The following INSR variants were observed in gnomAD, a reference collection of about 807,000 sequenced individuals.
The protein encoded by INSR is IR.
A neutral mutation model predicts 142.6 loss-of-function variants in INSR; 67 were observed. The observed-to-expected ratio is 0.47, with a 90% CI of 0.39 to 0.58. INSR has a LOEUF of 0.58. INSR is among the 20% of genes least tolerant of loss of function. The pLI is 0.00. For missense variants in INSR, 1,248 were observed against 1,833.2 expected, an observed-to-expected ratio of 0.68 and a Z score of 5.83; for synonymous variants, 756 against 743.1, an observed-to-expected ratio of 1.02 and a Z score of -0.28.
chr19:7,174,801 G>C, intron 3 of INSR, 70 bp from the exon 4 acceptor site: 2 of 1,466,406 alleles, frequency 1.4e-6, no homozygotes, highest in South Asian at 1.2e-5. Flanking sequence ...AGGTCCTTCA[G>C]ACATCTCAGG....
chr19:7,133,544 T>C (rs1972836327), intron 13 of INSR, among the ~76,000 whole-genome samples: 1 of 152,206 alleles, frequency 6.6e-6, no homozygotes, highest in African/African-American at 2.4e-5. Flanking sequence ...ACGTCTCTCC[T>C]TGTTTTTCCT....
intron 3 of INSR, among the ~76,000 whole-genome samples, chr19:7,182,158 C>A (rs1230539824): frequency 4.6e-5 from 7 of 151,618 alleles, no homozygotes; most frequent in Non-Finnish European, 8.8e-5. Flanking sequence ...ATGATGAAAC[C>A]CGGTCTCTAC....
At chr19:7,147,250 C>T (rs1285800595) in intron 11 of INSR, among the ~76,000 whole-genome samples, 1 of 152,022 alleles carries the variant, frequency 6.6e-6, no homozygotes, top group Non-Finnish European at 1.5e-5. Context: ...TCTCGGCTCA[C>T]TGCAACCTCC....
At position 7,116,963 on chromosome 19, in the gene INSR, A is replaced by C; in HGVS notation, c.*93T>G. 22 of 934,912 alleles carry C rather than the reference A, an allele frequency of 2.4e-5. No homozygotes were observed. Among genetic ancestry groups the C allele is most frequent in the Non-Finnish European group, 3.7e-5 (21 of 560,652 alleles). The allele number at this position is 934,912 out of a possible 1,614,324, so 57.9% of individuals were successfully genotyped here. On this transcript the variant is annotated 3_prime_UTR_variant, in exon 22 of 22. Coordinates refer to ENST00000302850, the MANE Select transcript of INSR (RefSeq NM_000208.4). ...ATCTCTGAACTCCATTGGACATGGT[A>C]GAGTCGTGAGAATCCTGAGTTTTCC...
intron 1 of INSR, among the ~76,000 whole-genome samples, chr19:7,272,679 CA>C (rs1281908068): frequency 6.6e-6 from 1 of 152,038 alleles, no homozygotes; most frequent in Non-Finnish European, 1.5e-5. Flanking sequence ...AACAAACAAA[CA>C]AAAACAAAAC....
chr19:7,237,359 CTA>C (rs1976192320), intron 2 of INSR, among the ~76,000 whole-genome samples: 1 of 147,122 alleles, frequency 6.8e-6, no homozygotes, highest in African/African-American at 2.5e-5. Flanking sequence ...TCTACTAAAA[CTA>C]TAAAAATTAG....
chr19:7,291,202 G>A (rs571245347), intron 1 of INSR, among the ~76,000 whole-genome samples: 3 of 152,154 alleles, frequency 2.0e-5, no homozygotes, highest in Non-Finnish European at 4.4e-5. Flanking sequence ...CCCCAATCGT[G>A]GGGGGTACGG....
Position 7,166,502 on chromosome 19 carries a change from CAT to C in INSR, c.1611-100_1611-99del. On this transcript the variant is annotated intron_variant, in intron 7 of 21. Transcript: ENST00000302850. This position sits in a 1 kb window ranked among gnomAD's most constrained non-coding sequence, Gnocchi z 4.1. Reference sequence around the variant, plus strand: ...TGGGAAGTTACATCCCATAGGGTCACATGTTACTCACCCAACAATCTAATGCC... The same window carrying C: ...TGGGAAGTTACATCCCATAGGGTCACGTTACTCACCCAACAATCTAATGCC... The C allele has an allele frequency of 7.7e-7, 1 of 1,301,988 alleles. No homozygotes were observed. The highest frequency in any genetic ancestry group is 1.2e-5 in the South Asian group (1 of 80,218). 80.7% of individuals were successfully genotyped at this position (1,301,988 alleles called of 1,614,324 possible).
chr19:7,118,554 G>T (rs1429712985), intron 21 of INSR, among the ~76,000 whole-genome samples: 1 of 151,964 alleles, frequency 6.6e-6, no homozygotes, highest in Non-Finnish European at 1.5e-5. Flanking sequence ...CTGACCTTAG[G>T]TGATCGTTCA....
chr19:7,137,461 G>A (rs1024019577), intron 13 of INSR, among the ~76,000 whole-genome samples: 1 of 151,922 alleles, frequency 6.6e-6, no homozygotes, highest in African/African-American at 2.4e-5. Flanking sequence ...ACAACCAGGG[G>A]CTACTGGGCT....
At chr19:7,191,521 T>G (rs1176245820) in intron 2 of INSR, among the ~76,000 whole-genome samples, 1 of 151,954 alleles carries the variant, frequency 6.6e-6, no homozygotes, top group East Asian at 1.9e-4. Context: ...TGTGAAAAGC[T>G]CCACATGAAA....
At chr19:7,152,430 A>T in intron 10 of INSR, 1 of 450,056 alleles carries the variant, frequency 2.2e-6, no homozygotes, top group Admixed American at 3.5e-5. Context: ...TAATCGTCTA[A>T]CGGAGTTTGT....
rs41306363 is a variant in INSR at position 7,132,322 on chromosome 19, G to A, written c.2683-5C>T. ...GGAGACGCAGAGATGCAGCTCCTGG[G>A]AGGAAGAGAGGAGGAGAAGGAGGGT... is the stretch of plus-strand genomic sequence containing the variant. On this transcript the variant is annotated splice_polypyrimidine_tract_variant and splice_region_variant and intron_variant, in intron 13 of 21. Coordinates refer to ENST00000302850, the MANE Select transcript of INSR (RefSeq NM_000208.4). The A allele has an allele frequency of 1.5e-3, 2,343 of 1,613,648 alleles. 22 individuals carry two copies. The African/African-American group carries it at 0.022, about 15-fold the overall frequency.
At chr19:7,177,084 G>A (rs1355741081) in intron 3 of INSR, among the ~76,000 whole-genome samples, 1 of 152,146 alleles carries the variant, frequency 6.6e-6, no homozygotes, top group Non-Finnish European at 1.5e-5. Context: ...GCCCCCAGGA[G>A]TCCTTTGGGA....
At chr19:7,147,444 C>T (rs913682439) in intron 11 of INSR, among the ~76,000 whole-genome samples, 1 of 151,882 alleles carries the variant, frequency 6.6e-6, no homozygotes, top group East Asian at 1.9e-4. Flanking sequence ...CAAAGTGCTG[C>T]GATTACAGGT....
At chr19:7,120,521 C>T (rs749542470) in intron 20 of INSR, 99 bp downstream of exon 20, 7 of 1,415,616 alleles carry the variant, frequency 4.9e-6, no homozygotes, top group South Asian at 2.3e-5. Context: ...CTTGATGGGG[C>T]GTCCAGGAGG....
chr19:7,169,295 C>T (rs930362909), intron 6 of INSR, among the ~76,000 whole-genome samples: 9 of 152,034 alleles, frequency 5.9e-5, no homozygotes, highest in East Asian at 3.9e-4. Context: ...CATGGCTGAG[C>T]GTGGTGACTC....
chr19:7,181,385 A>C (rs1309942449), intron 3 of INSR, among the ~76,000 whole-genome samples: 1 of 152,190 alleles, frequency 6.6e-6, no homozygotes, highest in Non-Finnish European at 1.5e-5. Context: ...AATAGGAAGA[A>C]GTGAGAGAGG....
At position 7,267,839 on chromosome 19, in the gene INSR, C is replaced by T; in HGVS notation, c.158G>A (p.Cys53Tyr). ...CTGCAAGTGTCCTTCGATGACAGAG[C>T]AATTCTCCAGCTCATGCAACCTAGT... ...NLTRLHELEN[C>Y]SVIEGHLQIL... Residue 53 changes from cysteine (C) to tyrosine (Y), a missense_variant, in exon 2 of 22, where the codon TGC becomes TAC. Cys to Tyr is a radical substitution (Grantham distance 194, BLOSUM62 -2). Coordinates refer to ENST00000302850, the MANE Select transcript of INSR (RefSeq NM_000208.4). This position sits in a 1 kb window ranked among gnomAD's most constrained non-coding sequence, Gnocchi z 6.3. The T allele has an allele frequency of 6.2e-7, 1 of 1,614,104 alleles. No individual in the cohort carries two copies. The highest frequency in any genetic ancestry group is 8.5e-7 in the Non-Finnish European group (1 of 1,180,016).
Sources: gnomAD v4.1 joint callset for allele counts (sites outside exome capture counted in the v4.1 genomes callset) on GRCh38, gnomAD v4.1.1 for gene constraint, Gnocchi (gnomAD v3.1) non-coding constraint, MANE v1.5 for transcripts, NCBI Gene and HGNC (gene_info 2026-07-23, HGNC 2026-07-21) for gene names.